SPRED2: variants seen among roughly 807,000 people sequenced by gnomAD.
SPRED2 encodes sprouty-related, EVH1 domain-containing protein 2.
In SPRED2, 47 loss-of-function variants were observed where a neutral mutation model predicts 43.0. That is an observed-to-expected ratio of 1.09 (90% CI 0.87 to 1.40). SPRED2 has a LOEUF of 1.40. Among genes scored for constraint, SPRED2 ranks in the 40% most tolerant of loss-of-function variants. The pLI is 0.00. For missense variants in SPRED2, 561 were observed against 586.4 expected (o/e 0.96, Z 0.45); for synonymous variants, 225 against 225.7 (o/e 1.00, Z 0.03).
downstream of SPRED2, among the ~76,000 whole-genome samples, chr2:65,307,191 C>T (rs1232345618): frequency 6.6e-6 from 1 of 152,052 alleles, no homozygotes; most frequent in Non-Finnish European, 1.5e-5. Flanking sequence ...TATTATATGA[C>T]ATTTTATTTA....
chr2:65,323,805 G>A (rs1673511001), intron 4 of SPRED2, among the ~76,000 whole-genome samples: 1 of 152,052 alleles, frequency 6.6e-6, no homozygotes, highest in Admixed American at 6.5e-5. Context: ...GAACGTGGGA[G>A]GAAGAGGTTG....
downstream of SPRED2, chr2:65,308,403 G>C: frequency 1.0e-6 from 1 of 985,464 alleles, no homozygotes; most frequent in Non-Finnish European, 1.2e-6. Flanking sequence ...AACATACCTG[G>C]AGGGGTCAGC....
chr2:65,372,059 C>T (rs752206497), intron 1 of SPRED2, among the ~76,000 whole-genome samples: 5 of 151,154 alleles, frequency 3.3e-5, no homozygotes, highest in Non-Finnish European at 5.9e-5. Flanking sequence ...GAAGACAGAG[C>T]GAGACTGTCT....
intron 4 of SPRED2, among the ~76,000 whole-genome samples, chr2:65,330,941 C>T (rs1197265854): frequency 6.6e-6 from 1 of 152,048 alleles, no homozygotes; most frequent in East Asian, 1.9e-4. Context: ...CTATTCTTTA[C>T]ATTTTTCTGT....
intron 2 of SPRED2, 101 bp downstream of exon 2, chr2:65,344,618 A>G: frequency 6.8e-7 from 1 of 1,465,672 alleles, no homozygotes; most frequent in Non-Finnish European, 9.4e-7. Flanking sequence ...TTGAAGTCAG[A>G]GAAAGAAAGA....
chr2:65,374,229 A>G (rs1204985699), intron 1 of SPRED2: 1 of 152,196 alleles, frequency 6.6e-6, no homozygotes, highest in Non-Finnish European at 1.5e-5. Context: ...TATGGGGTTC[A>G]CACCTTATGA....
intron 4 of SPRED2, among the ~76,000 whole-genome samples, chr2:65,320,686 A>G (rs910326656): frequency 6.6e-6 from 1 of 152,192 alleles, no homozygotes; most frequent in Non-Finnish European, 1.5e-5. Flanking sequence ...CTCCCAGAAG[A>G]TTCCATTGGA....
intron 4 of SPRED2, among the ~76,000 whole-genome samples, chr2:65,329,999 C>T (rs1488019490): frequency 6.6e-6 from 1 of 152,198 alleles, no homozygotes; most frequent in Non-Finnish European, 1.5e-5. Flanking sequence ...CCCTGTGGCT[C>T]CCAGTTCTCA....
intron 1 of SPRED2, among the ~76,000 whole-genome samples, chr2:65,353,408 A>G (rs1455952197): frequency 6.6e-6 from 1 of 152,200 alleles, no homozygotes; most frequent in Non-Finnish European, 1.5e-5. Context: ...CACATATTAA[A>G]AGAGGCCGTT....
chr2:65,432,053 T>C lies in SPRED2; in HGVS notation c.-66A>G. 2 of 1,601,428 alleles carry C rather than the reference T, an allele frequency of 1.2e-6. No homozygotes were observed. The highest frequency in any genetic ancestry group is 8.5e-7 in the Non-Finnish European group (1 of 1,171,086). On this transcript the variant is annotated 5_prime_UTR_variant, in exon 1 of 6. Coordinates refer to ENST00000356388, the MANE Select transcript of SPRED2 (RefSeq NM_181784.3). Reference sequence around the variant, plus strand: ...TTGCTCCCTTCATCTTCCTGTCCGCTCGCCCCCCTTCTTCACATCTCCGGA... The same window carrying C: ...TTGCTCCCTTCATCTTCCTGTCCGCCCGCCCCCCTTCTTCACATCTCCGGA...
intron 1 of SPRED2, among the ~76,000 whole-genome samples, chr2:65,352,683 G>A (rs1036211830): frequency 6.6e-6 from 1 of 152,196 alleles, no homozygotes; most frequent in African/African-American, 2.4e-5. Context: ...GAGTGCAGTG[G>A]CGCGATCTCA....
intron 1 of SPRED2, among the ~76,000 whole-genome samples, chr2:65,416,303 G>C (rs984849873): frequency 1.5e-4 from 23 of 152,152 alleles, no homozygotes; most frequent in Non-Finnish European, 3.2e-4. Context: ...TGGTTTTGTT[G>C]CTAAATTGTC....
At chr2:65,386,348 G>A (rs1176203127) in intron 1 of SPRED2, among the ~76,000 whole-genome samples, 1 of 150,112 alleles carries the variant, frequency 6.7e-6, no homozygotes, top group Non-Finnish European at 1.5e-5. Context: ...TTAATCAAGG[G>A]ACCTTCTTAC....
At chr2:65,376,743 C>T (rs1211082270) in intron 1 of SPRED2, among the ~76,000 whole-genome samples, 1 of 152,032 alleles carries the variant, frequency 6.6e-6, no homozygotes, top group East Asian at 1.9e-4. Flanking sequence ...GAGATGGAGT[C>T]TCACTCTGTT....
chr2:65,323,208 TG>T (rs1673485888), intron 4 of SPRED2, among the ~76,000 whole-genome samples: 1 of 152,138 alleles, frequency 6.6e-6, no homozygotes, highest in African/African-American at 2.4e-5. Context: ...TTGGCCAGGC[TG>T]GTCTCCAACT....
chr2:65,375,846 A>G (rs1675225296), intron 1 of SPRED2, among the ~76,000 whole-genome samples: 1 of 152,124 alleles, frequency 6.6e-6, no homozygotes, highest in South Asian at 2.1e-4. Context: ...CACGGATTTC[A>G]TTTGTTTGTT....
chr2:65,377,007 C>A (rs1308280148), intron 1 of SPRED2, among the ~76,000 whole-genome samples: 1 of 152,202 alleles, frequency 6.6e-6, no homozygotes, highest in Non-Finnish European at 1.5e-5. Context: ...AGCCACCATG[C>A]CTGGCCACAA....
intron 1 of SPRED2, among the ~76,000 whole-genome samples, chr2:65,401,286 A>G (rs1165817515): frequency 1.3e-5 from 2 of 151,482 alleles, no homozygotes; most frequent in African/African-American, 4.9e-5. Context: ...CCTTATTTCC[A>G]TTTTACAGTT....
chr2:65,413,927 C>T (rs1676218556), intron 1 of SPRED2, among the ~76,000 whole-genome samples: 1 of 152,190 alleles, frequency 6.6e-6, no homozygotes, highest in Admixed American at 6.5e-5. Flanking sequence ...AAATTTTCAA[C>T]AATCAAGAAT....
Sources: gnomAD v4.1 joint callset for allele counts (sites outside exome capture counted in the v4.1 genomes callset) on GRCh38, gnomAD v4.1.1 for gene constraint, MANE v1.5 for transcripts, NCBI Gene and HGNC (gene_info 2026-07-23, HGNC 2026-07-21) for gene names.